Variants in ZNF888 observed in about 807,000 individuals in gnomAD.
ZNF888 encodes zinc finger protein 888, also known as CTD-2331H12.6.
A neutral mutation model predicts 7.2 loss-of-function variants in ZNF888; 5 were observed. The ratio of observed to expected loss-of-function variants is 0.70; its 90% CI spans 0.36 to 1.46. The LOEUF (loss-of-function observed/expected upper bound fraction) is 1.46, where lower values mean the gene tolerates loss of function less well. Ranked by LOEUF, ZNF888 falls within the 40% of genes most tolerant of loss-of-function variation. ZNF888 has a pLI of 0.03. For missense variants in ZNF888, 716 were observed against 858.0 expected, an observed-to-expected ratio of 0.83 and a Z score of 2.07; for synonymous variants, 240 against 284.3, an observed-to-expected ratio of 0.84 and a Z score of 1.57.
intron 3 of ZNF888, 131 bp downstream of exon 3, chr19:52,917,728 G>A: frequency 6.7e-7 from 1 of 1,502,978 alleles, no homozygotes; most frequent in Non-Finnish European, 9.2e-7. Context: ...GAGGGACTGA[G>A]GGAAGGCATG....
intron 1 of ZNF888, among the ~76,000 whole-genome samples, chr19:52,919,530 T>A (rs1410537183): frequency 2.8e-5 from 2 of 70,740 alleles, no homozygotes; most frequent in East Asian, 3.1e-4. Context: ...CCCAGCCGCC[T>A]GCCTTGGCCC....
Position 52,906,966 on chromosome 19 carries a change from G to A in ZNF888, c.1356C>T (p.Asn452=). Residue 452 remains asparagine (N), a synonymous_variant, in exon 5 of 5, where the codon AAC becomes AAT. Transcript: ENST00000638862. ...ECGKVFNQQS[N]LARHHRLHTG... is the part of the protein sequence containing the mutation. ...TATGAAGTCTATGATGACGTGCAAG[G>A]TTTGATTGTTGATTGAAAACCTTGC... 6.2e-7 allele frequency: 1 copy of A among 1,612,426 alleles called. No homozygotes were observed. The highest frequency in any genetic ancestry group is 8.5e-7 in the Non-Finnish European group (1 of 1,179,340).
In ZNF888 at chr19:52,906,099, A is replaced by G. The variant is rs373187315; in HGVS notation, c.*66T>C. On this transcript the variant is annotated 3_prime_UTR_variant, in exon 5 of 5. Coordinates refer to ENST00000638862, the MANE Select transcript of ZNF888 (RefSeq NM_001393938.1). The stretch of plus-strand genomic sequence containing the variant: ...TACTACACTTGTAAGATCTCTATTC[A>G]TTATGGATTCTTCAATGATTTGCAA... 1.2e-6 allele frequency: 2 copies of G among 1,609,308 alleles called. No homozygotes were observed. The highest frequency in any genetic ancestry group is 1.7e-6 in the Non-Finnish European group (2 of 1,176,218).
Position 52,920,304 on chromosome 19 carries a change from T to A in ZNF888, c.-177-1367A>T, listed in dbSNP as rs1349594395. Among the ~76,000 whole-genome samples, 3 of 62,812 alleles carry A rather than the reference T, an allele frequency of 4.8e-5. 1 individual carries two copies. Among genetic ancestry groups the A allele is most frequent in the African/African-American group, 1.6e-4 (3 of 19,200 alleles). The allele number at this position is 62,812 out of a possible 152,430, so 41.2% of individuals were successfully genotyped here. ...CGGGTGGTTGCCGGGTCTGTGTGGATGGAAGTAGACATGGGAGACTTTTCA... is the reference window on the plus strand; with the variant it reads ...CGGGTGGTTGCCGGGTCTGTGTGGAAGGAAGTAGACATGGGAGACTTTTCA... On this transcript the variant is annotated intron_variant, in intron 1 of 4. Coordinates refer to ENST00000638862, the MANE Select transcript of ZNF888 (RefSeq NM_001393938.1).
rs2064622848 is a variant in ZNF888 at position 52,907,346 on chromosome 19, A to C, written c.976T>G (p.Tyr326Asp). 1 of 1,613,690 alleles carries C rather than the reference A, an allele frequency of 6.2e-7. No homozygotes were observed. ...HKTIHTGEKP[Y>D]KCNECGKVFN... ...ACCTTGCCACATTCATTACACTTGT[A>C]AGGTTTCTCTCCAGTATGAATTGTC... Residue 326 changes from tyrosine to aspartate, a missense_variant, in exon 5 of 5, where the codon TAC (tyrosine) becomes GAC (aspartate). Physicochemically the swap from Tyr to Asp is radical, Grantham distance 160. This residue lies in a region of ZNF888 where 697 missense variants were observed against 803.4 expected (regional missense o/e 0.87). Transcript: ENST00000638862.
At chr19:52,912,746 A>C (rs2064701271) in intron 4 of ZNF888, among the ~76,000 whole-genome samples, 1 of 151,872 alleles carries the variant, frequency 6.6e-6, no homozygotes, top group Non-Finnish European at 1.5e-5. Flanking sequence ...AATAAAAATA[A>C]ATGAAAGAAG....
At chr19:52,918,231 T>C (rs2064773280) in intron 2 of ZNF888, 1 of 985,150 alleles carries the variant, frequency 1.0e-6, no homozygotes, top group Non-Finnish European at 1.2e-6. Flanking sequence ...GGCTCATGCC[T>C]ATCATCCCAG....
chr19:52,914,970 G>C (rs1277441977), intron 4 of ZNF888, among the ~76,000 whole-genome samples: 6 of 152,288 alleles, frequency 3.9e-5, no homozygotes, highest in African/African-American at 1.2e-4. Flanking sequence ...CTGCCATAAA[G>C]TTTTATGCCT....
intron 4 of ZNF888, among the ~76,000 whole-genome samples, chr19:52,912,415 C>T (rs1158869261): frequency 6.6e-6 from 1 of 151,218 alleles, no homozygotes; most frequent in Non-Finnish European, 1.5e-5. Flanking sequence ...GCCTGGCCAG[C>T]AATAACATAT....
Position 52,907,605 on chromosome 19 carries a change from CT to C in ZNF888, c.716del (p.Glu239GlyfsTer76), listed in dbSNP as rs1190449356. On this transcript the variant is annotated frameshift_variant, in exon 5 of 5. Transcript: ENST00000638862. LOFTEE classifies it low-confidence loss of function (END_TRUNC). ...CACATACATCACATTTATATTGTTT[CT>C]CTCCTAGATGAATTATCTGATGTTT... Reference protein sequence around the residue: ...FKKHQIIHLGEKQYKCDVCGK... With the variant: ...FKKHQIIHLGXKQYKCDVCGK... 6.2e-7 allele frequency: 1 copy of C among 1,604,208 alleles called. No homozygotes were observed. The highest frequency in any genetic ancestry group is 2.2e-5 in the East Asian group (1 of 44,856).
chr19:52,905,988 A>G lies in ZNF888; in HGVS notation c.*177T>C, dbSNP rs373179795. 217 of 1,034,870 alleles carry G rather than the reference A, an allele frequency of 2.1e-4. No individual in the cohort carries two copies. Among genetic ancestry groups the G allele is most frequent in the South Asian group, 1.8e-3 (140 of 77,172 alleles). 64.1% of individuals were successfully genotyped at this position (1,034,870 alleles called of 1,614,324 possible). A position where few individuals can be genotyped will look rare whatever the true frequency, so the allele number is the denominator to read the frequency against. On this transcript the variant is annotated 3_prime_UTR_variant, in exon 5 of 5. Transcript: ENST00000638862. ...AAGCTTGACTGAAGACCTTGCCTCA[A>G]TCATGACATTTGTAAGGTTTCTCTC...
intron 4 of ZNF888, among the ~76,000 whole-genome samples, chr19:52,912,298 A>G (rs2064692824): frequency 6.8e-6 from 1 of 147,496 alleles, no homozygotes; most frequent in Non-Finnish European, 1.5e-5. Flanking sequence ...TATTTTTAGT[A>G]GAGATGGGGT....
Position 52,904,535 on chromosome 19 carries a change from T to A in ZNF888, c.*1630A>T, listed in dbSNP as rs567062243. 1 of 152,344 alleles carries A rather than the reference T, an allele frequency of 6.6e-6. No homozygotes were observed. Among genetic ancestry groups the A allele is most frequent in the Non-Finnish European group, 1.5e-5 (1 of 68,038 alleles). 9.4% of individuals were successfully genotyped at this position (152,344 alleles called of 1,614,324 possible). ...GGCTCACAACACTAAGGATTTCACA[T>A]GAAACGGTCGTGATTGATTTGAGCA... On this transcript the variant is annotated 3_prime_UTR_variant, in exon 5 of 5. Coordinates refer to ENST00000638862, the MANE Select transcript of ZNF888 (RefSeq NM_001393938.1).
In ZNF888 at chr19:52,905,721, T is replaced by G; in HGVS notation, c.*444A>C. The G allele has an allele frequency of 2.1e-6, 1 of 470,188 alleles. No homozygotes were observed. Among genetic ancestry groups the G allele is most frequent in the Non-Finnish European group, 4.3e-6 (1 of 231,984 alleles). The allele number at this position is 470,188 out of a possible 1,614,324, so 29.1% of individuals were successfully genotyped here. On this transcript the variant is annotated 3_prime_UTR_variant, in exon 5 of 5. Coordinates refer to ENST00000638862, the MANE Select transcript of ZNF888 (RefSeq NM_001393938.1). ...AACTGACTCTAGTGTCAATTAATGC[T>G]TGATGGTTTGCTATACTCATTGCAT...
At position 52,906,195 on chromosome 19, in the gene ZNF888, C is replaced by T. The variant is rs2064605093; in HGVS notation, c.2127G>A (p.Gln709=). The change falls in exon 5 of 5, where the codon CAG becomes CAA. Residue 709 remains glutamine (Q), a synonymous_variant. Transcript: ENST00000638862. ...FRAQSTLIHH[Q]AIHGVGKLD is the part of the protein sequence containing the mutation. ...CAAGTTTCCCTACACCATGGATTGC[C>T]TGATGGTGAATAAGTGTTGACTGTG... is the stretch of plus-strand genomic sequence containing the variant. 6.2e-7 allele frequency: 1 copy of T among 1,610,992 alleles called. No homozygotes were observed. Among genetic ancestry groups the T allele is most frequent in the Non-Finnish European group, 8.5e-7 (1 of 1,178,286 alleles).
In ZNF888 at chr19:52,914,441, G is replaced by A. The variant is rs1235790287; in HGVS notation, c.142+755C>T. 3 of 761,320 alleles carry A rather than the reference G, an allele frequency of 3.9e-6. No homozygotes were observed. In the African/African-American group the frequency reaches 5.7e-5, roughly 14 times the overall value. 47.2% of individuals were successfully genotyped at this position (761,320 alleles called of 1,614,324 possible). ...TAAAAAGAAAGGACCATGAAGTGCT[G>A]GAGCTTTTCTAGAGTCCCAGCCCTA... is the stretch of plus-strand genomic sequence containing the variant. On this transcript the variant is annotated intron_variant, in intron 4 of 4. Coordinates refer to ENST00000638862, the MANE Select transcript of ZNF888 (RefSeq NM_001393938.1).
Position 52,913,649 on chromosome 19 carries a change from T to A in ZNF888, c.142+1547A>T, listed in dbSNP as rs1042147232. Reference sequence around the variant, plus strand: ...AGGTTACAGAAATTTTAAGTTTCATTATTATACTATAAGTTTAAGATGTTT... The same window carrying A: ...AGGTTACAGAAATTTTAAGTTTCATAATTATACTATAAGTTTAAGATGTTT... On this transcript the variant is annotated intron_variant, in intron 4 of 4. Coordinates refer to ENST00000638862, the MANE Select transcript of ZNF888 (RefSeq NM_001393938.1). 4.4e-6 allele frequency: 4 copies of A among 904,714 alleles called. No individual in the cohort carries two copies. In the African/African-American group the frequency reaches 7.3e-5, roughly 16 times the overall value. 56.0% of individuals were successfully genotyped at this position (904,714 alleles called of 1,614,324 possible).
intron 4 of ZNF888, among the ~76,000 whole-genome samples, chr19:52,909,252 A>AT (rs34194002): frequency 0.12 from 17,427 of 144,286 alleles, 1,601 homozygotes; most frequent in African/African-American, 0.26. Context: ...AAATTTTTGT[A>AT]TTTTTTTTTT....
intron 4 of ZNF888, among the ~76,000 whole-genome samples, chr19:52,914,749 C>T (rs1425539723): frequency 6.6e-6 from 1 of 152,180 alleles, no homozygotes; most frequent in Non-Finnish European, 1.5e-5. Flanking sequence ...TCACTAGAAC[C>T]TTCACCTCCC....
Sources: gnomAD v4.1 joint callset for allele counts (sites outside exome capture counted in the v4.1 genomes callset) on GRCh38, gnomAD v4.1.1 for gene constraint, gnomAD v4.1.1 regional missense constraint, MANE v1.5 for transcripts, NCBI Gene and HGNC (gene_info 2026-07-23, HGNC 2026-07-21) for gene names.